ITGAM: variants seen among roughly 807,000 people sequenced by gnomAD.
The protein encoded by ITGAM is integrin alpha-M.
In ITGAM, 79 loss-of-function variants were observed where a neutral mutation model predicts 137.5. That is an observed-to-expected ratio of 0.57 (90% confidence interval 0.48 to 0.69). The LOEUF (loss-of-function observed/expected upper bound fraction) is 0.69. Among genes scored for constraint, ITGAM ranks in the 30% least tolerant of loss-of-function variants. ITGAM has a pLI of 0.00. For synonymous variants in ITGAM, 583 were observed against 592.3 expected (o/e 0.98, Z 0.23); for missense variants, 1,343 against 1,483.5 (o/e 0.91, Z 1.56).
At chr16:31,302,193 G>T (rs1175824552) in intron 14 of ITGAM, among the ~76,000 whole-genome samples, 1 of 152,146 alleles carries the variant, frequency 6.6e-6, no homozygotes. Context: ...AAAATTCTCA[G>T]TGTAGAAAGG....
At chr16:31,302,405 C>T (rs907012749) in intron 14 of ITGAM, among the ~76,000 whole-genome samples, 1 of 121,400 alleles carries the variant, frequency 8.2e-6, no homozygotes, top group South Asian at 2.2e-4. Flanking sequence ...CTTTTCTTTT[C>T]TTTTTTCTTT....
In ITGAM at chr16:31,260,086, T is replaced by C; in HGVS notation, c.22T>C (p.Leu8=). ...AGCCATGGCTCTCAGAGTCCTTCTG[T>C]TAACAGGTGCATGGGGGTGGGGTGG... The part of the protein sequence containing the change: MALRVLL[L]TALTLCHGFN... The change falls in exon 1 of 30, where the codon TTA becomes CTA. Residue 8 remains leucine (L), a synonymous_variant. Transcript: ENST00000544665. 1 of 1,530,122 alleles carries C rather than the reference T, an allele frequency of 6.5e-7. No individual in the cohort carries two copies. The highest frequency in any genetic ancestry group is 8.9e-7 in the Non-Finnish European group (1 of 1,128,812). 94.8% of individuals were successfully genotyped at this position (1,530,122 alleles called of 1,614,324 possible).
chr16:31,297,813 A>G lies in ITGAM; in HGVS notation c.1566A>G (p.Ala522=). 6.2e-7 allele frequency: 1 copy of G among 1,611,048 alleles called. No individual in the cohort carries two copies. The highest frequency in any genetic ancestry group is 8.5e-7 in the Non-Finnish European group (1 of 1,179,032). The change falls in exon 14 of 30, where the codon GCA becomes GCG. Residue 522 remains alanine (A), a synonymous_variant. Coordinates refer to ENST00000544665, the MANE Select transcript of ITGAM (RefSeq NM_000632.4). ...EQGQPWGRFG[A]ALTVLGDVNG... ...GCCAACCCTGGGGCCGCTTTGGGGC[A>G]GCCCTAACAGTGCTGGGGGACGTAA...
chr16:31,270,743 A>ATATATATATATATAT (rs1475429642), intron 5 of ITGAM, among the ~76,000 whole-genome samples: 1 of 106,196 alleles, frequency 9.4e-6, no homozygotes, highest in African/African-American at 4.8e-5. Context: ...ATATATATAT[A>ATATATATATATATAT]TGTTTTTAAC....
intron 12 of ITGAM, among the ~76,000 whole-genome samples, chr16:31,281,008 GA>G (rs2079963087): frequency 6.6e-6 from 1 of 152,150 alleles, no homozygotes; most frequent in South Asian, 2.1e-4. Flanking sequence ...CTGTTTATAT[GA>G]TGGATTATGT....
chr16:31,266,220 C>T, intron 5 of ITGAM, 73 bp downstream of exon 5: 1 of 1,039,842 alleles, frequency 9.6e-7, no homozygotes, highest in Non-Finnish European at 1.5e-6. Flanking sequence ...GAGGTGACGT[C>T]TGCTCAAGGT....
At chr16:31,301,933 G>A (rs751116252) in intron 14 of ITGAM, among the ~76,000 whole-genome samples, 1 of 151,950 alleles carries the variant, frequency 6.6e-6, no homozygotes, top group Non-Finnish European at 1.5e-5. Context: ...TTGTAACTAC[G>A]ATCTGTAATG....
chr16:31,310,594 G>T (rs1191462684), intron 14 of ITGAM, among the ~76,000 whole-genome samples: 1 of 152,012 alleles, frequency 6.6e-6, no homozygotes, highest in Non-Finnish European at 1.5e-5. Flanking sequence ...TTATCCATTC[G>T]TCTAATTTTT....
intron 12 of ITGAM, among the ~76,000 whole-genome samples, chr16:31,287,957 C>T (rs780976168): frequency 2.0e-5 from 3 of 152,138 alleles, no homozygotes; most frequent in Non-Finnish European, 2.9e-5. Context: ...CACACAAGTA[C>T]ACGCACATTA....
intron 12 of ITGAM, among the ~76,000 whole-genome samples, chr16:31,285,914 C>T (rs185847756): frequency 2.0e-5 from 3 of 151,956 alleles, no homozygotes; most frequent in Non-Finnish European, 2.9e-5. Context: ...TCAAGCAATC[C>T]TCCTGCCTTG....
In ITGAM at chr16:31,298,395, GCA is replaced by G. The variant is rs141373360; in HGVS notation, c.1707+456_1707+457del. 1.4e-4 allele frequency among the ~76,000 whole-genome samples: 21 copies of G among 150,982 alleles called. No individual in the cohort carries two copies. The East Asian group carries it at 1.6e-3, about 11-fold the overall frequency. ...GACTTGCACATGCATGCGTGCACGT[GCA>G]CACACACACACACATTCACAGAAAT... On this transcript the variant is annotated intron_variant, in intron 14 of 29. Transcript: ENST00000544665.
chr16:31,329,754 G>C (rs1259853259), intron 24 of ITGAM, 44 bp from the exon 25 acceptor site: 1 of 1,497,140 alleles, frequency 6.7e-7, no homozygotes, highest in East Asian at 2.5e-5. Flanking sequence ...CCAGGCTGGT[G>C]GGGGAGGAAG....
At chr16:31,284,076 T>G (rs2080000162) in intron 12 of ITGAM, among the ~76,000 whole-genome samples, 1 of 152,164 alleles carries the variant, frequency 6.6e-6, no homozygotes, top group South Asian at 2.1e-4. Context: ...GCTGCCTGAT[T>G]CTTCCTCTGG....
In ITGAM at chr16:31,260,157, TAG is replaced by T. The variant is rs1856909700; in HGVS notation, c.28+68_28+69del. 4.5e-5 allele frequency: 54 copies of T among 1,212,130 alleles called. 1 individual carries two copies. The South Asian group carries it at 6.4e-4, about 14-fold the overall frequency. 75.1% of individuals were successfully genotyped at this position (1,212,130 alleles called of 1,614,324 possible). On this transcript the variant is annotated intron_variant, in intron 1 of 29. Transcript: ENST00000544665. Reference sequence around the variant, plus strand: ...GGGTAACTTTTGGGTCTGTCATAAATAGAGGGCCCAGAATATGTAGGAGTCAG... The same window carrying T: ...GGGTAACTTTTGGGTCTGTCATAAATAGGGCCCAGAATATGTAGGAGTCAG...
chr16:31,272,483 T>TCA (rs2079862446), intron 7 of ITGAM, among the ~76,000 whole-genome samples: 3 of 55,662 alleles, frequency 5.4e-5, no homozygotes, highest in African/African-American at 2.7e-4. Context: ...TTTTTTTTTT[T>TCA]TTTTTTTTTT....
rs41388953 is a variant in ITGAM, at chr16:31,261,116, G to A, written c.29-576G>A. On this transcript the variant is annotated intron_variant, in intron 1 of 29. Transcript: ENST00000544665. ...CCCCAGGCTAACAGAGCTGGACCTG[G>A]GAGGCAGACATCTGGATGCTGGGTT... Among the ~76,000 whole-genome samples the A allele has an allele frequency of 8.3e-3, 1,263 of 152,188 alleles. 26 individuals are homozygous for A. The highest frequency in any genetic ancestry group is 0.029 in the African/African-American group (1,215 of 41,502).
Position 31,325,642 on chromosome 16 carries a change from C to T in ITGAM, c.2628+20C>T. The T allele has an allele frequency of 6.2e-7, 1 of 1,605,218 alleles. No homozygotes were observed. Among genetic ancestry groups the T allele is most frequent in the East Asian group, 2.2e-5 (1 of 44,854 alleles). On this transcript the variant is annotated intron_variant, in intron 21 of 29. Coordinates refer to ENST00000544665, the MANE Select transcript of ITGAM (RefSeq NM_000632.4). ...TCAGAGGTCAGAACTCCTGGCTCCT[C>T]CCCTCCTTTTCTCTTTGATTTCTTT... is the stretch of plus-strand genomic sequence containing the variant.
intron 12 of ITGAM, among the ~76,000 whole-genome samples, chr16:31,295,996 C>T (rs191574532): frequency 1.2e-4 from 18 of 151,904 alleles, no homozygotes; most frequent in African/African-American, 3.9e-4. Flanking sequence ...TTTAGTCCTT[C>T]ATTCTGTTAA....
chr16:31,302,978 TTCTTTCTTTCTTTC>T (rs2080229494), intron 14 of ITGAM, among the ~76,000 whole-genome samples: 2 of 125,362 alleles, frequency 1.6e-5, no homozygotes, highest in African/African-American at 3.1e-5. Flanking sequence ...CTTTCTTTCT[TTCTTTCTTTCTTTC>T]TTTCTTTTTC....
Sources: gnomAD v4.1 joint callset for allele counts (sites outside exome capture counted in the v4.1 genomes callset) on GRCh38, gnomAD v4.1.1 for gene constraint, MANE v1.5 for transcripts, NCBI Gene and HGNC (gene_info 2026-07-23, HGNC 2026-07-21) for gene names.